SH2D4B: variants seen among roughly 807,000 people sequenced by gnomAD.
The protein encoded by SH2D4B is SH2 domain-containing protein 4B.
SH2D4B carries 45 observed loss-of-function variants against 61.5 expected under a neutral mutation model. The observed-to-expected ratio is 0.73, with a 90% CI of 0.58 to 0.94. The LOEUF (loss-of-function observed/expected upper bound fraction) is 0.94. Among genes scored for constraint, SH2D4B ranks in the 40% least tolerant of loss-of-function variants. The probability of loss-of-function intolerance (pLI) is 0.00; values close to 1 mark genes in which losing one functional copy is unlikely to be tolerated. For missense variants in SH2D4B, 572 were observed against 574.2 expected (o/e 1.00, Z 0.04); for synonymous variants, 224 against 220.4 (o/e 1.02, Z -0.14).
chr10:80,564,675 C>A (rs1050606641), intron 1 of SH2D4B, among the ~76,000 whole-genome samples: 8 of 152,222 alleles, frequency 5.3e-5, no homozygotes, highest in African/African-American at 1.9e-4. Context: ...TTAGTCCCAT[C>A]CTTTCCCCTG....
At position 80,601,737 on chromosome 10, in the gene SH2D4B, T is replaced by C. The variant is rs915582921; in HGVS notation, c.644-1842T>C. The stretch of plus-strand genomic sequence containing the variant: ...TCCCAGAAAGGGTTCTTTGACAACT[T>C]GTGAAGTAGAAATGCTTTCTTTCAG... On this transcript the variant is annotated intron_variant, in intron 4 of 7. Transcript: ENST00000646907. 3.9e-5 allele frequency among the ~76,000 whole-genome samples: 6 copies of C among 152,326 alleles called. No individual in the cohort carries two copies. The South Asian group carries it at 1.2e-3, about 32-fold the overall frequency.
intron 6 of SH2D4B, among the ~76,000 whole-genome samples, chr10:80,615,161 C>A (rs181984565): frequency 6.6e-6 from 1 of 152,350 alleles, no homozygotes; most frequent in African/African-American, 2.4e-5. Flanking sequence ...GTTGGACAGG[C>A]TGGCTGCTGC....
rs115274697 is a variant in SH2D4B at position 80,577,426 on chromosome 10, T to G, written c.495+5848T>G. ...GGTAGTTGTTTTAGACCACTGAATTTTCTGTTTTTTTTTTTTTTGAGACGG... is the reference window on the plus strand; with the variant it reads ...GGTAGTTGTTTTAGACCACTGAATTGTCTGTTTTTTTTTTTTTTGAGACGG... On this transcript the variant is annotated intron_variant, in intron 3 of 7. Transcript: ENST00000646907. 1.0e-2 allele frequency among the ~76,000 whole-genome samples: 1,447 copies of G among 145,162 alleles called. 25 individuals are homozygous for G. Among genetic ancestry groups the G allele is most frequent in the African/African-American group, 0.036 (1,354 of 38,122 alleles).
intron 4 of SH2D4B, among the ~76,000 whole-genome samples, chr10:80,593,425 G>A (rs1184655578): frequency 1.3e-5 from 2 of 152,136 alleles, no homozygotes; most frequent in African/African-American, 4.8e-5. Context: ...GTTTTGCTAA[G>A]TTTATTCCTA....
rs965032272 is a variant in SH2D4B at position 80,539,161 on chromosome 10, G to A, written c.184+646G>A. On this transcript the variant is annotated intron_variant, in intron 1 of 7. Transcript: ENST00000646907. The surrounding 1 kb of genome is among the most constrained non-coding windows in gnomAD (Gnocchi z 4.9). ...ACATTTCAGGTGTTTTGTATGCAAAGTCATGTGCCAGTCAATCCTATGGAC... is the reference window on the plus strand; with the variant it reads ...ACATTTCAGGTGTTTTGTATGCAAAATCATGTGCCAGTCAATCCTATGGAC... Among the ~76,000 whole-genome samples, 1 of 152,252 alleles carries A rather than the reference G, an allele frequency of 6.6e-6. No homozygotes were observed. The highest frequency in any genetic ancestry group is 2.4e-5 in the African/African-American group (1 of 41,474).
chr10:80,623,433 C>T (rs779605542), intron 6 of SH2D4B, among the ~76,000 whole-genome samples: 1 of 152,178 alleles, frequency 6.6e-6, no homozygotes, highest in Non-Finnish European at 1.5e-5. Context: ...AGCCCTCCAT[C>T]CTCACTACTT....
At chr10:80,572,976 A>G (rs1319149611) in intron 3 of SH2D4B, among the ~76,000 whole-genome samples, 7 of 7,622 alleles carry the variant, frequency 9.2e-4, no homozygotes, top group African/African-American at 3.4e-3. Context: ...ATATATATAT[A>G]TATATATATA....
At chr10:80,619,719 C>G (rs1156768736) in intron 6 of SH2D4B, among the ~76,000 whole-genome samples, 1 of 152,206 alleles carries the variant, frequency 6.6e-6, no homozygotes, top group Non-Finnish European at 1.5e-5. Flanking sequence ...TCCATCTGAC[C>G]ACTTAAGAGA....
chr10:80,590,705 T>TAG (rs908175250), intron 4 of SH2D4B, among the ~76,000 whole-genome samples: 23 of 152,108 alleles, frequency 1.5e-4, no homozygotes, highest in Non-Finnish European at 4.4e-5. Context: ...ATTCATTAAA[T>TAG]AGACTTGAAA....
intron 6 of SH2D4B, among the ~76,000 whole-genome samples, chr10:80,621,374 G>T (rs951194422): frequency 2.0e-5 from 3 of 152,218 alleles, no homozygotes; most frequent in African/African-American, 7.2e-5. Flanking sequence ...AAGTGCAACA[G>T]ATGGAGCTTC....
At chr10:80,617,377 G>A (rs1354309793) in intron 6 of SH2D4B, among the ~76,000 whole-genome samples, 1 of 152,176 alleles carries the variant, frequency 6.6e-6, no homozygotes, top group Non-Finnish European at 1.5e-5. Context: ...ATGCCATCTG[G>A]GTTCCCATAT....
intron 1 of SH2D4B, among the ~76,000 whole-genome samples, chr10:80,569,514 G>A (rs1842011836): frequency 7.1e-6 from 1 of 140,084 alleles, no homozygotes; most frequent in Non-Finnish European, 1.5e-5. Context: ...ATGAATTTTG[G>A]GTTTCTTTTA....
In SH2D4B at chr10:80,607,039, A is replaced by C. The variant is rs147200516; in HGVS notation, c.861-2385A>C. The stretch of plus-strand genomic sequence containing the variant: ...AGCTGAAAAAGAAAAAAGAAGTGAA[A>C]ACTGTCTAATTTATATAGAATGATC... On this transcript the variant is annotated intron_variant, in intron 5 of 7. Coordinates refer to ENST00000646907, the MANE Select transcript of SH2D4B (RefSeq NM_001388272.1). Among the ~76,000 whole-genome samples, 13 of 152,276 alleles carry C rather than the reference A, an allele frequency of 8.5e-5. 1 individual carries two copies. The East Asian group carries it at 1.4e-3, about 16-fold the overall frequency.
chr10:80,591,368 T>C (rs1381459703), intron 4 of SH2D4B, among the ~76,000 whole-genome samples: 2 of 152,074 alleles, frequency 1.3e-5, no homozygotes, highest in Non-Finnish European at 2.9e-5. Context: ...CTATTTCTTA[T>C]AGTTCTGGAG....
At chr10:80,633,633 A>G (rs1842858788) in intron 6 of SH2D4B, among the ~76,000 whole-genome samples, 1 of 152,196 alleles carries the variant, frequency 6.6e-6, no homozygotes. Flanking sequence ...CTACCAGCAT[A>G]TCAACGACTC....
intron 4 of SH2D4B, among the ~76,000 whole-genome samples, chr10:80,600,060 G>A (rs2132137288): frequency 1.3e-5 from 2 of 152,254 alleles, no homozygotes; most frequent in South Asian, 4.2e-4. Flanking sequence ...CCCATGCCAG[G>A]GCTTTCCAAG....
chr10:80,545,702 G>A (rs908327168), intron 1 of SH2D4B, among the ~76,000 whole-genome samples: 1 of 152,192 alleles, frequency 6.6e-6, no homozygotes, highest in African/African-American at 2.4e-5. Flanking sequence ...GAGATGGGGT[G>A]TGCATGGGTG....
At chr10:80,562,811 G>C (rs1383374140) in intron 1 of SH2D4B, among the ~76,000 whole-genome samples, 1 of 151,070 alleles carries the variant, frequency 6.6e-6, no homozygotes, top group African/African-American at 2.4e-5. Flanking sequence ...TTTGATAATA[G>C]CCATTCTTAC....
At chr10:80,642,170 T>C (rs1840319950) in intron 7 of SH2D4B, among the ~76,000 whole-genome samples, 1 of 152,132 alleles carries the variant, frequency 6.6e-6, no homozygotes, top group Non-Finnish European at 1.5e-5. Flanking sequence ...TAGCTCACTG[T>C]AACCTCAAGA....
Sources: allele counts gnomAD v4.1 joint callset (sites outside exome capture counted in the v4.1 genomes callset), GRCh38; gene constraint gnomAD v4.1.1; non-coding constraint Gnocchi (gnomAD v3.1); transcripts MANE v1.5; gene names NCBI Gene and HGNC (gene_info 2026-07-23, HGNC 2026-07-21).